Variants in FANCA observed in about 807,000 individuals in gnomAD.
FANCA encodes the protein FA complementation group A, also known as Fanconi anemia group A protein.
Under a neutral mutation model 194.3 loss-of-function variants are expected in FANCA, and 236 were observed. That is an observed-to-expected ratio of 1.21 (90% CI 1.09 to 1.35). The LOEUF (loss-of-function observed/expected upper bound fraction) is 1.35. Ranked by LOEUF, FANCA falls within the 40% of genes most tolerant of loss-of-function variation. FANCA has a pLI of 0.00. For synonymous variants in FANCA, 1,014 were observed against 715.8 expected (o/e 1.42, Z -6.65); for missense variants, 2,628 against 1,813.9 (o/e 1.45, Z -8.15).
At chr16:89,743,285 G>A (rs17227312) in intron 36 of FANCA, among the ~76,000 whole-genome samples, 6 of 152,216 alleles carry the variant, frequency 3.9e-5, no homozygotes, top group Non-Finnish European at 7.3e-5. Flanking sequence ...TGGCCCTGTG[G>A]ATCAGGCATT....
Position 89,811,016 on chromosome 16 carries a change from TGA to T in FANCA, c.337_338del (p.Ala114ArgfsTer6), listed in dbSNP as rs2143680554. The T allele has an allele frequency of 3.7e-6, 6 of 1,614,050 alleles. No homozygotes were observed. Among genetic ancestry groups the T allele is most frequent in the Non-Finnish European group, 5.1e-6 (6 of 1,180,032 alleles). On this transcript the variant is annotated frameshift_variant, in exon 4 of 43. Transcript: ENST00000389301. LOFTEE classifies it high-confidence loss of function. ...SRLGVPVGIL[S>X]AGMVASSVGQ... Reference sequence around the variant, plus strand: ...CCACGCTAGAGGCAACCATCCCGGCTGAGAGAATACCCACGGGAACCCCCAGC... The same window carrying T: ...CCACGCTAGAGGCAACCATCCCGGCTGAGAATACCCACGGGAACCCCCAGC...
chr16:89,815,696 C>A (rs2041085139), intron 2 of FANCA, among the ~76,000 whole-genome samples, 181 bp downstream of exon 2: 1 of 152,020 alleles, frequency 6.6e-6, no homozygotes, highest in Admixed American at 6.6e-5. Context: ...ATAAAAGAGG[C>A]GGGGTCTCAC....
At position 89,805,311 on chromosome 16, in the gene FANCA, C is replaced by G. The variant is rs773378655; in HGVS notation, c.678G>C (p.Gln226His). 1 of 1,613,998 alleles carries G rather than the reference C, an allele frequency of 6.2e-7. No individual in the cohort carries two copies. The highest frequency in any genetic ancestry group is 1.1e-5 in the South Asian group (1 of 91,070). ...CLCEQMEASCQHADVARAMLS... is the reference protein window; with the variant it reads ...CLCEQMEASCHHADVARAMLS... ...GCATGGCCCTGGCGACGTCAGCATG[C>G]TGGCAGGATGCTTCCATCTGTTCAC... Residue 226 changes from glutamine (Q) to histidine (H), a missense_variant, in exon 7 of 43, where the codon CAG becomes CAC. By Grantham distance (24) the Gln-to-His change is conservative (BLOSUM62 0). Coordinates refer to ENST00000389301, the MANE Select transcript of FANCA (RefSeq NM_000135.4).
intron 30 of FANCA, among the ~76,000 whole-genome samples, chr16:89,753,305 C>T (rs1026247607): frequency 1.3e-5 from 2 of 152,166 alleles, no homozygotes; most frequent in Admixed American, 6.5e-5. Context: ...CAGCCCGACA[C>T]TCGGGGCCAC....
rs775917892 is a variant in FANCA, at chr16:89,778,828, C to T, written c.1799G>A (p.Arg600His). The change falls in exon 20 of 43, where the codon CGT (arginine) becomes CAT (histidine). Residue 600 changes from arginine (R) to histidine (H), a missense_variant. Transcript: ENST00000389301. ...PRVLPKVPDS[R>H]VAFIESLKRA... ...CTTCAGAGACTCTATAAACGCCACACGGGAGTCAGGGACTTTGGGGAGCTG... is the reference window on the plus strand; with the variant it reads ...CTTCAGAGACTCTATAAACGCCACATGGGAGTCAGGGACTTTGGGGAGCTG... The T allele has an allele frequency of 1.7e-5, 28 of 1,613,890 alleles. No homozygotes were observed. Among genetic ancestry groups the T allele is most frequent in the East Asian group, 6.7e-5 (3 of 44,894 alleles).
rs977424970 is a variant in FANCA, at chr16:89,799,503, T to C, written c.826+102A>G. On this transcript the variant is annotated intron_variant, in intron 9 of 42. Transcript: ENST00000389301. ...TACCAGGACTCTGCACAGTGAAACATACAGAGGAGAAATACCTCAAATGGA... is the reference window on the plus strand; with the variant it reads ...TACCAGGACTCTGCACAGTGAAACACACAGAGGAGAAATACCTCAAATGGA... 3.9e-5 allele frequency: 48 copies of C among 1,216,428 alleles called. No homozygotes were observed. The African/African-American group carries it at 6.0e-4, about 15-fold the overall frequency. The allele number at this position is 1,216,428 out of a possible 1,614,324, so 75.4% of individuals were successfully genotyped here.
intron 6 of FANCA, among the ~76,000 whole-genome samples, chr16:89,806,660 T>C (rs1228787274): frequency 6.6e-6 from 1 of 152,082 alleles, no homozygotes; most frequent in Non-Finnish European, 1.5e-5. Context: ...GAGCACAGGG[T>C]TGGGGGCAAG....
intron 33 of FANCA, among the ~76,000 whole-genome samples, chr16:89,747,430 C>T (rs776034793): frequency 2.0e-5 from 3 of 152,146 alleles, no homozygotes; most frequent in Non-Finnish European, 4.4e-5. Context: ...TGCACAAGGC[C>T]GGGCTCACAC....
At chr16:89,750,949 G>A (rs763093204) in intron 31 of FANCA, among the ~76,000 whole-genome samples, 8 of 152,172 alleles carry the variant, frequency 5.3e-5, no homozygotes, top group Non-Finnish European at 4.4e-5. Context: ...CTGGAGTGCG[G>A]CAGTGCAGTC....
At chr16:89,812,523 G>A (rs2040926973) in intron 3 of FANCA, among the ~76,000 whole-genome samples, 1 of 151,332 alleles carries the variant, frequency 6.6e-6, no homozygotes, top group South Asian at 2.1e-4. Flanking sequence ...GTGCATGCCT[G>A]TAATACCAGC....
intron 37 of FANCA, among the ~76,000 whole-genome samples, chr16:89,742,425 C>T (rs1300444142): frequency 6.6e-6 from 1 of 152,018 alleles, no homozygotes; most frequent in Non-Finnish European, 1.5e-5. Flanking sequence ...GCACTCCAGC[C>T]TGGGCGACAG....
chr16:89,815,973 C>T lies in FANCA; in HGVS notation c.93G>A (p.Lys31=), dbSNP rs759630319. ...CCCTTTCAGGATTATATTTTTCCCT[C>T]TTGACCCTTCCCGCTACGGAGAGAA... ...AWAELLAGRV[K]REKYNPERAQ... The change falls in exon 2 of 43, where the codon AAG becomes AAA. Residue 31 remains lysine, a synonymous_variant. Coordinates refer to ENST00000389301, the MANE Select transcript of FANCA (RefSeq NM_000135.4). 3.1e-6 allele frequency: 5 copies of T among 1,613,532 alleles called. No homozygotes were observed. Among genetic ancestry groups the T allele is most frequent in the East Asian group, 4.5e-5 (2 of 44,878 alleles).
Position 89,761,970 on chromosome 16 carries a change from T to TCAGCTTCAGGTTGAATTTC in FANCA, c.2812_2830dup (p.Asp944GlyfsTer5), listed in dbSNP as rs1283284704. 6.8e-6 allele frequency: 11 copies of TCAGCTTCAGGTTGAATTTC among 1,613,950 alleles called. No individual in the cohort carries two copies. Among genetic ancestry groups the TCAGCTTCAGGTTGAATTTC allele is most frequent in the Admixed American group, 1.7e-5 (1 of 59,984 alleles). On this transcript the variant is annotated stop_gained and frameshift_variant, in exon 29 of 43. Coordinates refer to ENST00000389301, the MANE Select transcript of FANCA (RefSeq NM_000135.4). LOFTEE classifies it high-confidence loss of function. ...TTACCGTTCAGTATCTGAAAGAGCA[T>TCAGCTTCAGGTTGAATTTC]CAGCTTCAGGTTGAATTTCCAGCTC... is the stretch of plus-strand genomic sequence containing the variant.
intron 20 of FANCA, among the ~76,000 whole-genome samples, chr16:89,776,423 T>C (rs2039508496): frequency 6.6e-6 from 1 of 151,994 alleles, no homozygotes; most frequent in South Asian, 2.1e-4. Context: ...TGCCTCAGCC[T>C]CCCAAAGTGC....
chr16:89,799,071 G>A (rs2040349865), intron 10 of FANCA, 95 bp downstream of exon 10: 1 of 1,614,218 alleles, frequency 6.2e-7, no homozygotes, highest in Non-Finnish European at 8.5e-7. Context: ...GGAGCGGGCT[G>A]CTGAAGCTCT....
rs769486874 is a variant in FANCA at position 89,737,982 on chromosome 16, G to C, written c.*619C>G. 2 of 1,614,196 alleles carry C rather than the reference G, an allele frequency of 1.2e-6. No individual in the cohort carries two copies. The highest frequency in any genetic ancestry group is 4.5e-5 in the East Asian group (2 of 44,890). On this transcript the variant is annotated 3_prime_UTR_variant, in exon 43 of 43. Coordinates refer to ENST00000389301, the MANE Select transcript of FANCA (RefSeq NM_000135.4). ...ATCTGCCTCTGTCCCCCAGGTGTGA[G>C]GTCTGTGGGTTCCAGTGCAGGCAGC...
In FANCA at chr16:89,783,033, C is replaced by T. The variant is rs2039774579; in HGVS notation, c.1540G>A (p.Ala514Thr). ...TTGAGGTCGGCCAGCCGTGTCTTGG[C>T]CAATGAGATGTAGTCTGTGAGGAGG... ...RSLLTDYISL[A>T]KTRLADLKVS... Residue 514 changes from alanine (A) to threonine (T), a missense_variant, in exon 16 of 43, where the codon GCC (alanine) becomes ACC (threonine). Coordinates refer to ENST00000389301, the MANE Select transcript of FANCA (RefSeq NM_000135.4). 6.2e-7 allele frequency: 1 copy of T among 1,614,058 alleles called. No individual in the cohort carries two copies.
intron 28 of FANCA, 37 bp downstream of exon 28, chr16:89,764,853 G>A: frequency 2.5e-6 from 4 of 1,608,718 alleles, no homozygotes; most frequent in Non-Finnish European, 3.4e-6. Flanking sequence ...CTAGACTCAG[G>A]ACGTGGCATG....
At chr16:89,786,181 GTT>G (rs60395462) in intron 14 of FANCA, among the ~76,000 whole-genome samples, 2 of 147,160 alleles carry the variant, frequency 1.4e-5, no homozygotes, top group Non-Finnish European at 1.5e-5. Context: ...ACCAAGCCCG[GTT>G]TTTTTTTTCC....
Sources: gnomAD v4.1 joint callset for allele counts (sites outside exome capture counted in the v4.1 genomes callset) on GRCh38, gnomAD v4.1.1 for gene constraint, MANE v1.5 for transcripts, NCBI Gene and HGNC (gene_info 2026-07-23, HGNC 2026-07-21) for gene names.